Variants in STK3 observed in about 807,000 individuals in gnomAD.
STK3 encodes the protein serine/threonine-protein kinase 3.
A neutral mutation model predicts 58.0 loss-of-function variants in STK3; 41 were observed. The ratio of observed to expected loss-of-function variants is 0.71; its 90% CI spans 0.55 to 0.92. The LOEUF (loss-of-function observed/expected upper bound fraction) is 0.92, where lower values mean the gene tolerates loss of function less well. Ranked by LOEUF, STK3 falls within the 40% of genes least tolerant of loss-of-function variation. STK3 has a pLI of 0.00. For synonymous variants in STK3, 170 were observed against 191.0 expected (o/e 0.89, Z 0.91); for missense variants, 479 against 602.7 (o/e 0.79, Z 2.15).
At chr8:98,488,535 T>A (rs1334893131) in intron 10 of STK3, among the ~76,000 whole-genome samples, 1 of 152,204 alleles carries the variant, frequency 6.6e-6, no homozygotes, top group Non-Finnish European at 1.5e-5. Flanking sequence ...TCTAATGTTA[T>A]AAGCCAATGC....
chr8:98,708,343 C>T (rs949941214), intron 4 of STK3, among the ~76,000 whole-genome samples: 1 of 152,114 alleles, frequency 6.6e-6, no homozygotes, highest in Admixed American at 6.6e-5. Flanking sequence ...AAACCAACAG[C>T]TTTACATAAA....
At chr8:98,717,934 G>A (rs1827135535) in intron 4 of STK3, among the ~76,000 whole-genome samples, 1 of 152,144 alleles carries the variant, frequency 6.6e-6, no homozygotes, top group South Asian at 2.1e-4. Context: ...GCTAAATGAA[G>A]TAAGTCGGTC....
intron 3 of STK3, among the ~76,000 whole-genome samples, chr8:98,842,316 A>G (rs1836023339): frequency 6.6e-6 from 1 of 152,232 alleles, no homozygotes; most frequent in African/African-American, 2.4e-5. Context: ...ATACATAAAA[A>G]GAGCCAATGA....
At chr8:98,922,122 G>T (rs1380103336) in intron 1 of STK3, among the ~76,000 whole-genome samples, 1 of 152,120 alleles carries the variant, frequency 6.6e-6, no homozygotes, top group Admixed American at 6.5e-5. Context: ...TTCTGGGAGA[G>T]ATATTTTGTT....
At chr8:98,670,746 C>T (rs971218665) in intron 6 of STK3, among the ~76,000 whole-genome samples, 8 of 152,222 alleles carry the variant, frequency 5.3e-5, no homozygotes, top group African/African-American at 1.9e-4. Flanking sequence ...AACCCCAGAT[C>T]CAGCCACACT....
chr8:98,370,160 C>G (rs1817596909), downstream of STK3, among the ~76,000 whole-genome samples: 1 of 150,700 alleles, frequency 6.6e-6, no homozygotes, highest in Non-Finnish European at 1.5e-5. Context: ...GCCCATCAAG[C>G]CTCTCCCTAA....
At chr8:98,713,393 T>C (rs373026133) in intron 4 of STK3, among the ~76,000 whole-genome samples, 14 of 148,632 alleles carry the variant, frequency 9.4e-5, no homozygotes, top group African/African-American at 3.2e-4. Context: ...GCAAGACTAA[T>C]AGAAAAGAGA....
At chr8:98,893,938 A>G (rs769675271) in intron 1 of STK3, among the ~76,000 whole-genome samples, 2 of 152,246 alleles carry the variant, frequency 1.3e-5, no homozygotes, top group African/African-American at 4.8e-5. Context: ...TCAGCAGCCC[A>G]TGCTTCATGT....
downstream of STK3, among the ~76,000 whole-genome samples, chr8:98,453,847 T>A (rs1217319330): frequency 2.0e-5 from 3 of 152,116 alleles, no homozygotes; most frequent in African/African-American, 7.2e-5. Flanking sequence ...TCAGGCAAGA[T>A]ATCGAACAGG....
chr8:98,653,114 C>G (rs979256339), intron 6 of STK3, among the ~76,000 whole-genome samples: 4 of 152,178 alleles, frequency 2.6e-5, no homozygotes, highest in South Asian at 2.1e-4. Context: ...TAAAAGAACA[C>G]AAATTATAAC....
At chr8:98,405,416 T>C (rs1242162174) in intron 3 of STK3, among the ~76,000 whole-genome samples, 3 of 152,302 alleles carry the variant, frequency 2.0e-5, no homozygotes, top group East Asian at 3.9e-4. Context: ...CCTTGATAAA[T>C]GGTGGTGGTG....
At chr8:98,881,060 A>G (rs929037751), downstream of STK3, 3 of 152,354 alleles carry the variant, frequency 2.0e-5, no homozygotes, top group South Asian at 6.2e-4. Context: ...AACATATAGC[A>G]TATTATTATT....
intron 3 of STK3, among the ~76,000 whole-genome samples, chr8:98,754,500 A>C: frequency 6.6e-6 from 1 of 150,660 alleles, no homozygotes. Flanking sequence ...AAAAAAAAAA[A>C]ACTCTCTCTC....
intron 1 of STK3, chr8:98,782,571 A>G (rs774603191): frequency 2.0e-5 from 6 of 303,944 alleles, no homozygotes; most frequent in East Asian, 2.2e-4. Flanking sequence ...GAGCGCCTCC[A>G]GGCCAAGAAG....
At chr8:98,773,576 T>C (rs1171317192) in intron 2 of STK3, among the ~76,000 whole-genome samples, 3 of 152,082 alleles carry the variant, frequency 2.0e-5, no homozygotes, top group Non-Finnish European at 2.9e-5. Flanking sequence ...CTGGGTAACA[T>C]AGCAAGATCC....
chr8:98,487,120 A>G (rs974516862), intron 10 of STK3, among the ~76,000 whole-genome samples: 2 of 152,210 alleles, frequency 1.3e-5, no homozygotes, highest in Non-Finnish European at 2.9e-5. Context: ...CCCAGTGGGG[A>G]ATATGAGAGA....
At chr8:98,462,505 G>A (rs962848822) in intron 10 of STK3, among the ~76,000 whole-genome samples, 8 of 152,098 alleles carry the variant, frequency 5.3e-5, no homozygotes, top group African/African-American at 1.7e-4. Context: ...ACTCATCTCC[G>A]AACCTACTAT....
intron 6 of STK3, among the ~76,000 whole-genome samples, chr8:98,695,319 T>G (rs2130981389): frequency 6.6e-6 from 1 of 152,330 alleles, no homozygotes. Context: ...TGATGGTAGT[T>G]TCTTCTGCTG....
chr8:98,938,548 G>A (rs1002514225), intron 1 of STK3, among the ~76,000 whole-genome samples: 1 of 152,224 alleles, frequency 6.6e-6, no homozygotes, highest in Non-Finnish European at 1.5e-5. Flanking sequence ...TAGGCAGATT[G>A]AGGCAGCAGG....
Sources: gnomAD v4.1 joint callset for allele counts (sites outside exome capture counted in the v4.1 genomes callset) on GRCh38, gnomAD v4.1.1 for gene constraint, MANE v1.5 for transcripts, NCBI Gene and HGNC (gene_info 2026-07-23, HGNC 2026-07-21) for gene names.